Variants in ALPL observed in about 807,000 individuals in gnomAD.
ALPL encodes alkaline phosphatase, tissue-nonspecific isozyme.
Under a neutral mutation model 51.3 loss-of-function variants are expected in ALPL, and 42 were observed. That is an observed-to-expected ratio of 0.82 (90% CI 0.64 to 1.06). ALPL has a LOEUF of 1.06. Ranked by LOEUF, ALPL falls within the 50% of genes least tolerant of loss-of-function variation. The pLI, the probability that ALPL is intolerant of heterozygous loss-of-function variation, is 0.00. For synonymous variants in ALPL, 279 were observed against 296.4 expected, an observed-to-expected ratio of 0.94 and a Z score of 0.60; for missense variants, 589 against 709.4, an observed-to-expected ratio of 0.83 and a Z score of 1.93.
At chr1:21,576,462 G>T in intron 10 of ALPL, 60 bp from the exon 11 acceptor site, 1 of 1,598,912 alleles carries the variant, frequency 6.3e-7, no homozygotes, top group South Asian at 1.1e-5. Flanking sequence ...CTAATCTGGG[G>T]GCTGGGGACT....
At chr1:21,572,687 G>T (rs1397583585) in intron 8 of ALPL, among the ~76,000 whole-genome samples, 1 of 152,156 alleles carries the variant, frequency 6.6e-6, no homozygotes, top group African/African-American at 2.4e-5. Flanking sequence ...TCACAGAGGG[G>T]CAGGGTGTTC....
chr1:21,576,031 A>T, intron 10 of ALPL, 107 bp downstream of exon 10: 1 of 1,337,522 alleles, frequency 7.5e-7, no homozygotes. Flanking sequence ...GTGGGGACTC[A>T]ATGACAACTG....
chr1:21,514,195 GGGGGTGAT>G (rs1643747581), intron 1 of ALPL, among the ~76,000 whole-genome samples: 1 of 152,032 alleles, frequency 6.6e-6, no homozygotes, highest in African/African-American at 2.4e-5. Flanking sequence ...CTGGAGGTTT[GGGGGTGAT>G]AGAGCATCTA....
intron 1 of ALPL, among the ~76,000 whole-genome samples, chr1:21,538,926 G>A (rs1644145887): frequency 1.3e-5 from 2 of 152,118 alleles, no homozygotes; most frequent in Admixed American, 1.3e-4. Flanking sequence ...CACCTCTCCT[G>A]TAAAGTTATG....
At chr1:21,549,648 A>C (rs1644295680) in intron 1 of ALPL, among the ~76,000 whole-genome samples, 1 of 152,046 alleles carries the variant, frequency 6.6e-6, no homozygotes, top group East Asian at 1.9e-4. Flanking sequence ...TAATTTTTGT[A>C]GAGAGAGTTT....
chr1:21,511,173 T>A (rs531530564), intron 1 of ALPL, among the ~76,000 whole-genome samples: 5 of 152,350 alleles, frequency 3.3e-5, no homozygotes, highest in African/African-American at 1.2e-4. Context: ...GATGTTTGCA[T>A]AACAAAATTC....
intron 1 of ALPL, among the ~76,000 whole-genome samples, chr1:21,534,476 C>T (rs1469233483): frequency 3.3e-5 from 5 of 152,156 alleles, no homozygotes; most frequent in South Asian, 2.1e-4. Flanking sequence ...TGGGAGGACA[C>T]GGAGTCAGCG....
At chr1:21,530,263 A>G (rs1178112712) in intron 1 of ALPL, among the ~76,000 whole-genome samples, 1 of 152,024 alleles carries the variant, frequency 6.6e-6, no homozygotes, top group Non-Finnish European at 1.5e-5. Flanking sequence ...GGCAATTACG[A>G]TTTTTGCTTA....
chr1:21,554,910 T>TTTTCTTTC (rs149848494), intron 2 of ALPL, among the ~76,000 whole-genome samples: 1 of 136,520 alleles, frequency 7.3e-6, no homozygotes, highest in Non-Finnish European at 1.6e-5. Context: ...TTTCTTTCTC[T>TTTTCTTTC]TTTCTTTCTT....
At chr1:21,565,638 G>A (rs1644553083) in intron 6 of ALPL, among the ~76,000 whole-genome samples, 2 of 151,976 alleles carry the variant, frequency 1.3e-5, no homozygotes, top group South Asian at 2.1e-4. Flanking sequence ...CAGGGGCCAC[G>A]TCAAGGGGCA....
intron 6 of ALPL, among the ~76,000 whole-genome samples, chr1:21,565,848 G>GAGAA (rs150248069): frequency 0.049 from 7,480 of 151,200 alleles, 499 homozygotes; most frequent in African/African-American, 0.16. Flanking sequence ...AAAGAAAGAA[G>GAGAA]AGAAAGAAAG....
chr1:21,525,716 C>G lies in ALPL; in HGVS notation c.-105+16199C>G, dbSNP rs548308861. Among the ~76,000 whole-genome samples the G allele has an allele frequency of 3.9e-5, 6 of 152,076 alleles. No individual in the cohort carries two copies. In the South Asian group the frequency reaches 6.2e-4, roughly 16 times the overall value. Reference sequence around the variant, plus strand: ...CAAAGAGTGTGTGTAGGCTGGGCTCCGCGGCTCACGCCTGTAGTCCCAGCA... The same window carrying G: ...CAAAGAGTGTGTGTAGGCTGGGCTCGGCGGCTCACGCCTGTAGTCCCAGCA... On this transcript the variant is annotated intron_variant, in intron 1 of 11. Transcript: ENST00000374840.
At chr1:21,561,597 G>T (rs1008378915) in intron 4 of ALPL, among the ~76,000 whole-genome samples, 3 of 151,492 alleles carry the variant, frequency 2.0e-5, no homozygotes, top group African/African-American at 7.3e-5. Flanking sequence ...GGGCTTAAGC[G>T]ATCCTACAGC....
At chr1:21,557,832 C>T (rs1029985888) in intron 2 of ALPL, among the ~76,000 whole-genome samples, 8 of 152,210 alleles carry the variant, frequency 5.3e-5, no homozygotes, top group African/African-American at 1.4e-4. Flanking sequence ...CCCATGTAAC[C>T]GCCACCCAGA....
At position 21,564,482 on chromosome 1, in the gene ALPL, C is replaced by T. The variant is rs985919193; in HGVS notation, c.648+266C>T. 4.6e-5 allele frequency among the ~76,000 whole-genome samples: 7 copies of T among 152,196 alleles called. No homozygotes were observed. The highest frequency in any genetic ancestry group is 1.7e-4 in the African/African-American group (7 of 41,440). ...CAGGGATGATTCCATAAATTGAAAC[C>T]TGGTGCTGTGCCCTCCTCTGCCCCC... On this transcript the variant is annotated intron_variant, in intron 6 of 11. Coordinates refer to ENST00000374840, the MANE Select transcript of ALPL (RefSeq NM_000478.6). This position sits in a 1 kb window ranked among gnomAD's most constrained non-coding sequence, Gnocchi z 5.8.
In ALPL at chr1:21,563,158, G is replaced by T. The variant is rs121918013; in HGVS notation, c.346G>T (p.Ala116Ser). 6.2e-7 allele frequency: 1 copy of T among 1,613,836 alleles called. No individual in the cohort carries two copies. Among genetic ancestry groups the T allele is most frequent in the Non-Finnish European group, 8.5e-7 (1 of 1,180,018 alleles). The change falls in exon 5 of 12, where the codon GCC becomes TCC. Residue 116 changes from alanine to serine, a missense_variant. Coordinates refer to ENST00000374840, the MANE Select transcript of ALPL (RefSeq NM_000478.6). ...CCCTGACAGTGCCGGCACCGCCACC[G>T]CCTACCTGTGTGGGGTGAAGGCCAA... The part of the protein sequence containing the change: ...QVPDSAGTAT[A>S]YLCGVKANEG...
intron 1 of ALPL, among the ~76,000 whole-genome samples, chr1:21,516,692 C>T (rs1304714524): frequency 6.6e-6 from 1 of 152,218 alleles, no homozygotes; most frequent in East Asian, 1.9e-4. Context: ...CCCTATTTAT[C>T]TTAAAACCAT....
chr1:21,564,106 C>A lies in ALPL; in HGVS notation c.538C>A (p.His180Asn), dbSNP rs2148161530. 1.2e-6 allele frequency: 2 copies of A among 1,614,100 alleles called. No individual in the cohort carries two copies. Among genetic ancestry groups the A allele is most frequent in the Non-Finnish European group, 1.7e-6 (2 of 1,180,012 alleles). Residue 180 changes from histidine (H) to asparagine (N), a missense_variant, in exon 6 of 12, where the codon CAC becomes AAC. His to Asn is a moderately conservative substitution (Grantham distance 68). Coordinates refer to ENST00000374840, the MANE Select transcript of ALPL (RefSeq NM_000478.6). This position sits in a 1 kb window ranked among gnomAD's most constrained non-coding sequence, Gnocchi z 5.8. ...TGCCACCCCCAGCGCCGCCTACGCCCACTCGGCTGACCGGGACTGGTACTC... is the reference window on the plus strand; with the variant it reads ...TGCCACCCCCAGCGCCGCCTACGCCAACTCGGCTGACCGGGACTGGTACTC... The part of the protein sequence containing the change: ...NHATPSAAYA[H>N]SADRDWYSDN...
rs527430219 is a variant in ALPL, at chr1:21,544,522, TGCCTGA to T, written c.-104-9453_-104-9448del. ...CTTTGGGAGGCCGAGGCATGTGGATTGCCTGAGCTCAGGAGTTCAAGAATAGCCTGG... is the reference window on the plus strand; with the variant it reads ...CTTTGGGAGGCCGAGGCATGTGGATTGCTCAGGAGTTCAAGAATAGCCTGG... On this transcript the variant is annotated intron_variant, in intron 1 of 11. Transcript: ENST00000374840. Among the ~76,000 whole-genome samples, 8 of 152,300 alleles carry T rather than the reference TGCCTGA, an allele frequency of 5.3e-5. No individual in the cohort carries two copies. The South Asian group carries it at 1.7e-3, about 32-fold the overall frequency.
Sources: gnomAD v4.1 joint callset for allele counts (sites outside exome capture counted in the v4.1 genomes callset) on GRCh38, gnomAD v4.1.1 for gene constraint, Gnocchi (gnomAD v3.1) non-coding constraint, MANE v1.5 for transcripts, NCBI Gene and HGNC (gene_info 2026-07-23, HGNC 2026-07-21) for gene names.